Variants in WNT3A observed in about 807,000 individuals in gnomAD.
WNT3A encodes the protein protein Wnt-3a.
WNT3A carries 17 observed loss-of-function variants against 37.0 expected under a neutral mutation model. The observed-to-expected ratio is 0.46, with a 90% CI of 0.31 to 0.69. WNT3A has a LOEUF of 0.69. Ranked by LOEUF, WNT3A falls within the 30% of genes least tolerant of loss-of-function variation. The probability of loss-of-function intolerance (pLI) is 0.05; values close to 1 mark genes in which losing one functional copy is unlikely to be tolerated. For missense variants in WNT3A, 411 were observed against 510.2 expected, an observed-to-expected ratio of 0.81 and a Z score of 1.87; for synonymous variants, 187 against 211.0, an observed-to-expected ratio of 0.89 and a Z score of 0.99.
chr1:228,049,757 G>T (rs981930851), intron 2 of WNT3A, among the ~76,000 whole-genome samples: 1 of 152,094 alleles, frequency 6.6e-6, no homozygotes, highest in African/African-American at 2.4e-5. Flanking sequence ...GGGTGATGTC[G>T]ACCATCTTTC....
At chr1:228,049,775 A>G (rs890619556) in intron 2 of WNT3A, among the ~76,000 whole-genome samples, 2 of 152,088 alleles carry the variant, frequency 1.3e-5, no homozygotes, top group African/African-American at 4.8e-5. Context: ...TTCCAGGTGC[A>G]TGCTGGCCTT....
chr1:228,033,694 C>CA (rs1178794502), intron 2 of WNT3A, among the ~76,000 whole-genome samples: 5 of 151,786 alleles, frequency 3.3e-5, no homozygotes, highest in Admixed American at 6.6e-5. Flanking sequence ...TCAATTTCTG[C>CA]AAAAAAAGCT....
chr1:228,012,949 C>T (rs1001337477), intron 1 of WNT3A, among the ~76,000 whole-genome samples: 1 of 152,198 alleles, frequency 6.6e-6, no homozygotes, highest in Non-Finnish European at 1.5e-5. Context: ...GTGATCTTGG[C>T]TCACTGCAGC....
At chr1:228,034,726 T>C (rs563239520) in intron 2 of WNT3A, among the ~76,000 whole-genome samples, 1 of 152,314 alleles carries the variant, frequency 6.6e-6, no homozygotes, top group South Asian at 2.1e-4. Context: ...TGGCCTATCA[T>C]CAAAATGTGA....
chr1:228,046,975 G>C (rs1432748349), intron 2 of WNT3A, among the ~76,000 whole-genome samples: 2 of 152,152 alleles, frequency 1.3e-5, no homozygotes, highest in Non-Finnish European at 2.9e-5. Context: ...CCTCCTAGGG[G>C]CCTCTTCATG....
chr1:228,023,478 C>A (rs972920373), intron 2 of WNT3A, among the ~76,000 whole-genome samples: 6 of 149,458 alleles, frequency 4.0e-5, no homozygotes, highest in African/African-American at 1.5e-4. Context: ...GACAGAGCGA[C>A]CAAAAGAGAA....
At chr1:228,009,478 G>A (rs537351493) in intron 1 of WNT3A, among the ~76,000 whole-genome samples, 3 of 151,842 alleles carry the variant, frequency 2.0e-5, no homozygotes, top group East Asian at 1.9e-4. Flanking sequence ...CTGCCTCCCC[G>A]CATCCACCCC....
At chr1:228,049,641 C>T (rs764756866) in intron 2 of WNT3A, among the ~76,000 whole-genome samples, 1 of 152,148 alleles carries the variant, frequency 6.6e-6, no homozygotes, top group Admixed American at 6.5e-5. Flanking sequence ...CTGATTTCTC[C>T]ACATCCTTGC....
Position 228,059,112 on chromosome 1 carries a change from G to A in WNT3A, c.706G>A (p.Asp236Asn), listed in dbSNP as rs772312947. The A allele has an allele frequency of 1.9e-6, 3 of 1,613,776 alleles. No homozygotes were observed. Among genetic ancestry groups the A allele is most frequent in the South Asian group, 1.1e-5 (1 of 91,084 alleles). The change falls in exon 4 of 4, where the codon GAC becomes AAC. Residue 236 changes from aspartate (D) to asparagine (N), a missense_variant. Physicochemically the swap from Asp to Asn is conservative, Grantham distance 23. Coordinates refer to ENST00000284523, the MANE Select transcript of WNT3A (RefSeq NM_033131.4). ...CGGTGACTTCCTCAAGGACAAGTAC[G>A]ACAGCGCCTCGGAGATGGTGGTGGA... is the stretch of plus-strand genomic sequence containing the variant. ...AIGDFLKDKY[D>N]SASEMVVEKH...
chr1:228,041,372 TATCC>T (rs1470955014), intron 2 of WNT3A, among the ~76,000 whole-genome samples: 1 of 151,974 alleles, frequency 6.6e-6, no homozygotes, highest in African/African-American at 2.4e-5. Context: ...TCTCCGACTT[TATCC>T]ATCCATCCAT....
At chr1:228,017,483 C>T (rs570809209) in intron 1 of WNT3A, among the ~76,000 whole-genome samples, 3 of 152,170 alleles carry the variant, frequency 2.0e-5, no homozygotes, top group South Asian at 2.1e-4. Flanking sequence ...AAGGCCGAGG[C>T]GGGAGGATGG....
At chr1:228,041,403 A>G (rs1477987855) in intron 2 of WNT3A, among the ~76,000 whole-genome samples, 1 of 151,742 alleles carries the variant, frequency 6.6e-6, no homozygotes, top group African/African-American at 2.4e-5. Flanking sequence ...TTCATCCATC[A>G]TGCACGATCC....
At chr1:228,046,878 GT>G (rs2031427445) in intron 2 of WNT3A, among the ~76,000 whole-genome samples, 1 of 152,106 alleles carries the variant, frequency 6.6e-6, no homozygotes, top group South Asian at 2.1e-4. Context: ...GTGCATGTGT[GT>G]GTGGTATGCA....
intron 2 of WNT3A, among the ~76,000 whole-genome samples, chr1:228,027,153 C>T (rs971204831): frequency 2.0e-5 from 3 of 152,172 alleles, no homozygotes; most frequent in East Asian, 1.9e-4. Flanking sequence ...TTATACACCA[C>T]GTTTTCTTTA....
At chr1:228,036,463 C>T (rs994221895) in intron 2 of WNT3A, among the ~76,000 whole-genome samples, 1 of 152,124 alleles carries the variant, frequency 6.6e-6, no homozygotes, top group Non-Finnish European at 1.5e-5. Flanking sequence ...CCCCATCTGC[C>T]GTCCACCTGG....
chr1:228,011,560 GTC>G (rs779764910), intron 1 of WNT3A, among the ~76,000 whole-genome samples: 36 of 151,736 alleles, frequency 2.4e-4, no homozygotes, highest in Non-Finnish European at 4.1e-4. Flanking sequence ...GTCTCTGCCC[GTC>G]TCTGTCTCTA....
chr1:228,026,930 C>T (rs941645630), intron 2 of WNT3A, among the ~76,000 whole-genome samples: 1 of 152,200 alleles, frequency 6.6e-6, no homozygotes, highest in Non-Finnish European at 1.5e-5. Flanking sequence ...GCAGCCTCCA[C>T]CTCCTGGTTT....
intron 1 of WNT3A, among the ~76,000 whole-genome samples, chr1:228,017,213 A>G (rs1473965331): frequency 1.3e-5 from 2 of 152,150 alleles, no homozygotes; most frequent in African/African-American, 4.8e-5. Flanking sequence ...AGGGAGCCAC[A>G]TAACTAGAGC....
At position 228,058,968 on chromosome 1, in the gene WNT3A, C is replaced by T. The variant is rs748204256; in HGVS notation, c.580-18C>T. The T allele has an allele frequency of 1.3e-6, 2 of 1,596,656 alleles. No homozygotes were observed. Among genetic ancestry groups the T allele is most frequent in the East Asian group, 2.3e-5 (1 of 44,344 alleles). On this transcript the variant is annotated intron_variant, in intron 3 of 3. Coordinates refer to ENST00000284523, the MANE Select transcript of WNT3A (RefSeq NM_033131.4). ...CCAGGGGGCCGCCCTGACGCTGGCTCCTGCGCGTGCCCCGCAGGCCATCGC... is the reference window on the plus strand; with the variant it reads ...CCAGGGGGCCGCCCTGACGCTGGCTTCTGCGCGTGCCCCGCAGGCCATCGC...
Sources: gnomAD v4.1 joint callset for allele counts (sites outside exome capture counted in the v4.1 genomes callset) on GRCh38, gnomAD v4.1.1 for gene constraint, MANE v1.5 for transcripts, NCBI Gene and HGNC (gene_info 2026-07-23, HGNC 2026-07-21) for gene names.